The following REDIC1 variants were observed in gnomAD, a reference collection of about 807,000 sequenced individuals.
REDIC1 encodes the protein regulator of DNA class I crossover intermediates 1, also known as HEI10 Interacting Protein 1.
the REDIC1 span, among the ~76,000 whole-genome samples, chr12:39,649,224 C>G: frequency 6.6e-6 from 1 of 151,896 alleles, no homozygotes; most frequent in African/African-American, 2.4e-5. Context: ...CCTTTTCAAT[C>G]ATAGTGTCAC....
At chr12:39,712,970 TA>T in the REDIC1 span, among the ~76,000 whole-genome samples, 2 of 17,622 alleles carry the variant, frequency 1.1e-4, no homozygotes, top group Non-Finnish European at 2.5e-4. Context: ...TATACGTGTA[TA>T]TGTATATATA....
chr12:39,799,848 A>G, the REDIC1 span, among the ~76,000 whole-genome samples: 2 of 152,226 alleles, frequency 1.3e-5, no homozygotes, highest in African/African-American at 2.4e-5. Context: ...TGCCTTAGCA[A>G]GAAACTTGGT....
the REDIC1 span, among the ~76,000 whole-genome samples, chr12:39,897,976 CATA>C: frequency 6.6e-6 from 1 of 151,962 alleles, no homozygotes; most frequent in Non-Finnish European, 1.5e-5. Flanking sequence ...ATGCTTGGCA[CATA>C]ATAAACACTT....
chr12:39,811,378 C>T, the REDIC1 span, among the ~76,000 whole-genome samples: 1 of 151,832 alleles, frequency 6.6e-6, no homozygotes, highest in Non-Finnish European at 1.5e-5. Context: ...CATTTTTTAG[C>T]TTCATAATTG....
chr12:39,855,089 C>T, the REDIC1 span, among the ~76,000 whole-genome samples: 2,998 of 152,264 alleles, frequency 0.02, 104 homozygotes, highest in African/African-American at 0.068. Flanking sequence ...TTTCATATCC[C>T]ATTAAGGTAG....
At chr12:39,653,592 C>CTTCTTCTTCTTTTTCT in the REDIC1 span, among the ~76,000 whole-genome samples, 2 of 22,804 alleles carry the variant, frequency 8.8e-5, no homozygotes, top group South Asian at 1.3e-3. Flanking sequence ...CTTCTTCTTC[C>CTTCTTCTTCTTTTTCT]TCTTCTTCTT....
At chr12:39,842,937 C>T in the REDIC1 span, among the ~76,000 whole-genome samples, 1 of 151,942 alleles carries the variant, frequency 6.6e-6, no homozygotes, top group African/African-American at 2.4e-5. Flanking sequence ...TAGCATTTGT[C>T]AGTAGTTCAT....
the REDIC1 span, among the ~76,000 whole-genome samples, chr12:39,669,779 G>T: frequency 1.3e-5 from 2 of 152,174 alleles, no homozygotes; most frequent in Admixed American, 6.5e-5. Flanking sequence ...CCTGGCTGCC[G>T]CCTTGCAGTT....
the REDIC1 span, among the ~76,000 whole-genome samples, chr12:39,738,211 G>C: frequency 6.6e-6 from 1 of 152,186 alleles, no homozygotes; most frequent in African/African-American, 2.4e-5. Flanking sequence ...GAAATCACTT[G>C]CTCATATGGA....
At chr12:39,757,173 G>A in the REDIC1 span, 1 of 151,694 alleles carries the variant, frequency 6.6e-6, no homozygotes, top group African/African-American at 2.4e-5. Flanking sequence ...CAGACATCCA[G>A]CCTCAATAGG....
At chr12:39,894,664 A>T in the REDIC1 span, among the ~76,000 whole-genome samples, 5 of 152,338 alleles carry the variant, frequency 3.3e-5, no homozygotes, top group Admixed American at 3.3e-4. Flanking sequence ...TATCTTTTTT[A>T]GGTCAGGGCC....
At chr12:39,785,623 G>T in the REDIC1 span, among the ~76,000 whole-genome samples, 1 of 152,166 alleles carries the variant, frequency 6.6e-6, no homozygotes, top group Admixed American at 6.5e-5. Flanking sequence ...CAGAATGGTA[G>T]ATCCACCGAC....
the REDIC1 span, chr12:39,759,935 A>G: frequency 3.0e-4 from 274 of 910,612 alleles, no homozygotes; most frequent in African/African-American, 4.2e-3. Context: ...CTGTGGAAAG[A>G]ACCAGATTAG....
chr12:39,830,056 G>A, the REDIC1 span: 395 of 1,610,604 alleles, frequency 2.5e-4, no homozygotes, highest in African/African-American at 4.3e-3. Context: ...CATAAGCCTC[G>A]TTTTGAAATA....
chr12:39,731,265 G>T, the REDIC1 span, among the ~76,000 whole-genome samples: 1 of 152,158 alleles, frequency 6.6e-6, no homozygotes, highest in Non-Finnish European at 1.5e-5. Context: ...GCCTTTTTGT[G>T]CTGGTTTTTC....
At chr12:39,755,625 T>C in the REDIC1 span, 1 of 152,050 alleles carries the variant, frequency 6.6e-6, no homozygotes, top group Non-Finnish European at 1.5e-5. Context: ...CTTTACAAAA[T>C]GTTGGTTACT....
At chr12:39,821,075 C>A in the REDIC1 span, among the ~76,000 whole-genome samples, 1 of 152,106 alleles carries the variant, frequency 6.6e-6, no homozygotes, top group East Asian at 1.9e-4. Context: ...CTTTCACTGC[C>A]CTGTACTATT....
At chr12:39,764,659 AT>A in the REDIC1 span, 1 of 1,582,136 alleles carries the variant, frequency 6.3e-7, no homozygotes, top group South Asian at 1.2e-5. Flanking sequence ...CATGTAAGAA[AT>A]TTGAAAAATT....
At chr12:39,683,346 G>T in the REDIC1 span, 1 of 1,226,496 alleles carries the variant, frequency 8.2e-7, no homozygotes. Flanking sequence ...ATGTGAATAT[G>T]CTTTGAATTA....
Sources: gnomAD v4.1 joint callset for allele counts (sites outside exome capture counted in the v4.1 genomes callset) on GRCh38, gnomAD v4.1.1 for gene constraint, MANE v1.5 for transcripts, NCBI Gene and HGNC (gene_info 2026-07-23, HGNC 2026-07-21) for gene names.